Variants in SYMPK observed in about 807,000 individuals in gnomAD.
SYMPK encodes the protein symplekin.
A neutral mutation model predicts 136.4 loss-of-function variants in SYMPK; 49 were observed. The ratio of observed to expected loss-of-function variants is 0.36; its 90% CI spans 0.29 to 0.46. The LOEUF (loss-of-function observed/expected upper bound fraction) is 0.46, where lower values mean the gene tolerates loss of function less well. Ranked by LOEUF, SYMPK falls within the 20% of genes least tolerant of loss-of-function variation. SYMPK has a pLI of 1.00. For missense variants in SYMPK, 1,365 were observed against 1,690.0 expected (o/e 0.81, Z 3.37); for synonymous variants, 766 against 713.0 (o/e 1.07, Z -1.19).
At chr19:45,862,810 G>C (rs1310167016) in intron 1 of SYMPK, among the ~76,000 whole-genome samples, 2 of 152,244 alleles carry the variant, frequency 1.3e-5, no homozygotes, top group African/African-American at 4.8e-5. Flanking sequence ...TTAGAGGTGG[G>C]GGAAAAAGCA....
At chr19:45,825,821 T>C (rs60283385) in intron 17 of SYMPK, among the ~76,000 whole-genome samples, 12,243 of 152,232 alleles carry the variant, frequency 0.08, 559 homozygotes, top group Non-Finnish European at 0.099. Flanking sequence ...TCCCGAAGGC[T>C]GTGCATCTCC....
At chr19:45,849,571 G>T (rs779554426) in intron 5 of SYMPK, among the ~76,000 whole-genome samples, 1 of 152,184 alleles carries the variant, frequency 6.6e-6, no homozygotes, top group Non-Finnish European at 1.5e-5. Flanking sequence ...CATGAAGGCA[G>T]GAATAATACG....
intron 10 of SYMPK, among the ~76,000 whole-genome samples, chr19:45,835,599 A>C (rs1038948943): frequency 6.6e-6 from 1 of 152,150 alleles, no homozygotes; most frequent in Non-Finnish European, 1.5e-5. Flanking sequence ...AAGAAGCAGC[A>C]GAGCTGGCAC....
rs758699521 is a variant in SYMPK, at chr19:45,823,790, C to T, written c.2576G>A (p.Cys859Tyr). The change falls in exon 19 of 27, where the codon TGT (cysteine) becomes TAT (tyrosine). Residue 859 changes from cysteine to tyrosine, a missense_variant. This residue lies in a region of SYMPK where 92 missense variants were observed against 198.6 expected (regional missense o/e 0.46). Coordinates refer to ENST00000245934, the MANE Select transcript of SYMPK (RefSeq NM_004819.3). ...ACCTTTGTCTGTGAGGCTGTGCAGACATCTCGTGACCAGTGTCTCTGCTCC... is the reference window on the plus strand; with the variant it reads ...ACCTTTGTCTGTGAGGCTGTGCAGATATCTCGTGACCAGTGTCTCTGCTCC... ...PKGAETLVTR[C>Y]LHSLTDKVPP... 6.2e-7 allele frequency: 1 copy of T among 1,614,106 alleles called. No individual in the cohort carries two copies. The highest frequency in any genetic ancestry group is 1.7e-5 in the Admixed American group (1 of 60,018).
intron 1 of SYMPK, among the ~76,000 whole-genome samples, chr19:45,859,750 T>TA (rs1018690012): frequency 6.0e-5 from 9 of 150,598 alleles, no homozygotes; most frequent in East Asian, 2.0e-4. Flanking sequence ...GCCTAAAAAC[T>TA]AAAAAAGAAG....
rs1190969882 is a variant in SYMPK, at chr19:45,816,040, G to A, written c.3498C>T (p.Ala1166=). ...EQKLKPGGVG[A]PSSSSPSPSP... is the part of the protein sequence containing the mutation. ...AGGGAGAGGGGGAGGAAGAGGAGGG[G>A]GCTCCCACTCCTCCCGGCTTCAGCT... The change falls in exon 26 of 27, where the codon GCC becomes GCT. Residue 1166 remains alanine, a synonymous_variant. Coordinates refer to ENST00000245934, the MANE Select transcript of SYMPK (RefSeq NM_004819.3). 3 of 1,577,518 alleles carry A rather than the reference G, an allele frequency of 1.9e-6. No individual in the cohort carries two copies. The highest frequency in any genetic ancestry group is 1.7e-4 in the Middle Eastern group (1 of 5,980).
At chr19:45,829,285 AC>A in intron 13 of SYMPK, 80 bp from the exon 14 acceptor site, 1 of 1,227,762 alleles carries the variant, frequency 8.1e-7, no homozygotes, top group Non-Finnish European at 1.2e-6. Flanking sequence ...GACTTCTCCC[AC>A]CCAGACGCAG....
Position 45,835,160 on chromosome 19 carries a change from C to T in SYMPK, c.1311G>A (p.Val437=), listed in dbSNP as rs1971274116. 6.2e-7 allele frequency: 1 copy of T among 1,613,354 alleles called. No homozygotes were observed. The highest frequency in any genetic ancestry group is 1.3e-5 in the African/African-American group (1 of 74,908). The change falls in exon 11 of 27, where the codon GTG becomes GTA. Residue 437 remains valine (V), a synonymous_variant. Coordinates refer to ENST00000245934, the MANE Select transcript of SYMPK (RefSeq NM_004819.3). ...TCTGGGCTTCCGTGCCTGCTGACTC[C>T]ACGGGGGTGTAGATGGCCTGGAAGG... ...PASFQAIYTP[V]ESAGTEAQIK...
intron 17 of SYMPK, among the ~76,000 whole-genome samples, chr19:45,825,561 G>A (rs751422105): frequency 3.3e-5 from 5 of 152,034 alleles, no homozygotes; most frequent in Non-Finnish European, 4.4e-5. Flanking sequence ...TCTAAAGTGC[G>A]ATCCTGACCC....
Position 45,845,123 on chromosome 19 carries a change from T to TC in SYMPK, c.677-924_677-923insG, listed in dbSNP as rs527889135. Among the ~76,000 whole-genome samples, 33 of 152,024 alleles carry TC rather than the reference T, an allele frequency of 2.2e-4. 1 individual carries two copies. In the South Asian group the frequency reaches 6.5e-3, roughly 30 times the overall value. The stretch of plus-strand genomic sequence containing the variant: ...GCTATCAAATACTGGATCTTTTTTT[T>TC]TTTCCCTGAGATGGGGTCTCACTCT... On this transcript the variant is annotated intron_variant, in intron 7 of 26. Coordinates refer to ENST00000245934, the MANE Select transcript of SYMPK (RefSeq NM_004819.3).
At position 45,816,153 on chromosome 19, in the gene SYMPK, C is replaced by G; in HGVS notation, c.3385G>C (p.Ala1129Pro). ...TCCTGAGGGGGCCGGGGTGCTGGGG[C>G]CGGGGCCAAGGTCAGGGGCTCCAGA... is the stretch of plus-strand genomic sequence containing the variant. ...DDLEPLTLAPAPAPRPPQDLI... is the reference protein window; with the variant it reads ...DDLEPLTLAPPPAPRPPQDLI... Residue 1129 changes from alanine to proline, a missense_variant, in exon 26 of 27, where the codon GCC (alanine) becomes CCC (proline). Ala to Pro is a conservative substitution (Grantham distance 27). Transcript: ENST00000245934. 6.5e-7 allele frequency: 1 copy of G among 1,546,936 alleles called. No homozygotes were observed. Among genetic ancestry groups the G allele is most frequent in the Non-Finnish European group, 8.7e-7 (1 of 1,142,886 alleles).
intron 1 of SYMPK, among the ~76,000 whole-genome samples, chr19:45,860,483 A>ACC (rs1971938852): frequency 5.3e-5 from 2 of 37,630 alleles, no homozygotes; most frequent in East Asian, 1.1e-3. Flanking sequence ...AAGAAAAAAA[A>ACC]CCCACACACA....
At chr19:45,829,416 GAAT>G (rs1218877610) in intron 13 of SYMPK, among the ~76,000 whole-genome samples, 1 of 152,126 alleles carries the variant, frequency 6.6e-6, no homozygotes, top group African/African-American at 2.4e-5. Context: ...GATCATCACA[GAAT>G]AAAAATGAGT....
At chr19:45,819,486 T>G (rs1027278519) in intron 22 of SYMPK, 10 of 152,588 alleles carry the variant, frequency 6.6e-5, no homozygotes, top group African/African-American at 2.4e-4. Context: ...CGCCTACTCA[T>G]CCTTCCTTGG....
chr19:45,848,980 G>A (rs1971631732), intron 5 of SYMPK, 104 bp from the exon 6 acceptor site: 7 of 1,372,398 alleles, frequency 5.1e-6, no homozygotes, highest in Middle Eastern at 2.5e-4. Context: ...CTGTCTCAGG[G>A]GACCGGAATG....
Position 45,821,246 on chromosome 19 carries a change from G to GGCTCTCCAGA in SYMPK, c.2893+128_2893+137dup. ...AAGAAAAGGAGGGAGGGAGGGAGGT[G>GGCTCTCCAGA]GCTCTCCAGAGCTCTGAGGTGGGGC... On this transcript the variant is annotated intron_variant, in intron 22 of 26. Transcript: ENST00000245934. This position sits in a 1 kb window ranked among gnomAD's most constrained non-coding sequence, Gnocchi z 4.4. 2.8e-6 allele frequency: 2 copies of GGCTCTCCAGA among 727,018 alleles called. No homozygotes were observed. The highest frequency in any genetic ancestry group is 4.0e-5 in the Admixed American group (2 of 50,210). 45.0% of individuals were successfully genotyped at this position (727,018 alleles called of 1,614,324 possible).
intron 7 of SYMPK, among the ~76,000 whole-genome samples, chr19:45,846,152 C>T (rs977771386): frequency 1.3e-5 from 2 of 152,136 alleles, no homozygotes; most frequent in Non-Finnish European, 2.9e-5. Context: ...AGGAGAATGG[C>T]GTGAACACGG....
chr19:45,839,654 C>T (rs372056059), intron 9 of SYMPK, among the ~76,000 whole-genome samples: 1 of 151,926 alleles, frequency 6.6e-6, no homozygotes, highest in Admixed American at 6.6e-5. Context: ...CACGGTGAAA[C>T]CCCGTCTCTA....
In SYMPK at chr19:45,837,067, A is replaced by G. The variant is rs1166456377; in HGVS notation, c.1242+1394T>C. On this transcript the variant is annotated intron_variant, in intron 10 of 26. Coordinates refer to ENST00000245934, the MANE Select transcript of SYMPK (RefSeq NM_004819.3). ...GTGGGAACAAACATTCAAAGAAAGTAGCAGGAAAGAAATAAAGGCAACAGA... is the reference window on the plus strand; with the variant it reads ...GTGGGAACAAACATTCAAAGAAAGTGGCAGGAAAGAAATAAAGGCAACAGA... Among the ~76,000 whole-genome samples, 6 of 152,248 alleles carry G rather than the reference A, an allele frequency of 3.9e-5. No individual in the cohort carries two copies. The East Asian group carries it at 1.2e-3, about 29-fold the overall frequency.
Sources: gnomAD v4.1 joint callset for allele counts (sites outside exome capture counted in the v4.1 genomes callset) on GRCh38, gnomAD v4.1.1 for gene constraint, gnomAD v4.1.1 regional missense constraint, Gnocchi (gnomAD v3.1) non-coding constraint, MANE v1.5 for transcripts, NCBI Gene and HGNC (gene_info 2026-07-23, HGNC 2026-07-21) for gene names.